Variants in PHACTR4 observed in about 807,000 individuals in gnomAD.
PHACTR4 encodes protein phosphatase 1, regulatory subunit 124.
A neutral mutation model predicts 72.7 loss-of-function variants in PHACTR4; 51 were observed. The ratio of observed to expected loss-of-function variants is 0.70; its 90% CI spans 0.56 to 0.89. The LOEUF is 0.89. Among genes scored for constraint, PHACTR4 ranks in the 40% least tolerant of loss-of-function variants. The probability of loss-of-function intolerance (pLI) is 0.00; values close to 1 mark genes in which losing one functional copy is unlikely to be tolerated. For missense variants in PHACTR4, 731 were observed against 861.8 expected, an observed-to-expected ratio of 0.85 and a Z score of 1.90; for synonymous variants, 255 against 302.5, an observed-to-expected ratio of 0.84 and a Z score of 1.63.
At chr1:28,485,281 A>G (rs1259589371) in intron 9 of PHACTR4, among the ~76,000 whole-genome samples, 3 of 152,144 alleles carry the variant, frequency 2.0e-5, no homozygotes, top group East Asian at 1.9e-4. Context: ...CCACTGTACA[A>G]CATTGTGTTT....
chr1:28,407,571 C>G, intron 2 of PHACTR4, 108 bp downstream of exon 2: 1 of 869,122 alleles, frequency 1.2e-6, no homozygotes, highest in Non-Finnish European at 1.8e-6. Flanking sequence ...GTATGCTACT[C>G]TCTAGAATAA....
At position 28,407,563 on chromosome 1, in the gene PHACTR4, A is replaced by T. The variant is rs1269095774; in HGVS notation, c.16+100A>T. 3 of 1,004,924 alleles carry T rather than the reference A, an allele frequency of 3.0e-6. No homozygotes were observed. In the Admixed American group the frequency reaches 6.1e-5, roughly 21 times the overall value. 62.3% of individuals were successfully genotyped at this position (1,004,924 alleles called of 1,614,324 possible). On this transcript the variant is annotated intron_variant, in intron 2 of 13. Transcript: ENST00000373839. The stretch of plus-strand genomic sequence containing the variant: ...AAATTGGTTTTTTTTCATATTCAGT[A>T]TGCTACTCTCTAGAATAATGGGTCT...
chr1:28,492,856 A>G, intron 12 of PHACTR4, among the ~76,000 whole-genome samples, 159 bp from the exon 13 acceptor site: 1 of 152,214 alleles, frequency 6.6e-6, no homozygotes, highest in African/African-American at 2.4e-5. Flanking sequence ...TAGGTTTATT[A>G]TGAGACAGAT....
intron 6 of PHACTR4, among the ~76,000 whole-genome samples, chr1:28,470,545 A>G (rs1406145731): frequency 6.6e-6 from 1 of 151,212 alleles, no homozygotes; most frequent in African/African-American, 2.4e-5. Flanking sequence ...CCCCCCCAAA[A>G]ATTAGCCGGG....
chr1:28,449,324 A>T (rs990012795), intron 2 of PHACTR4, among the ~76,000 whole-genome samples: 1 of 152,106 alleles, frequency 6.6e-6, no homozygotes, highest in South Asian at 2.1e-4. Flanking sequence ...AACATACCCC[A>T]TATCTAAAAA....
chr1:28,489,237 T>TA lies in PHACTR4; in HGVS notation c.1816+13dup, dbSNP rs1187635078. The TA allele has an allele frequency of 6.2e-7, 1 of 1,603,510 alleles. No homozygotes were observed. The highest frequency in any genetic ancestry group is 1.3e-5 in the African/African-American group (1 of 74,676). On this transcript the variant is annotated intron_variant, in intron 10 of 13. Coordinates refer to ENST00000373839, the MANE Select transcript of PHACTR4 (RefSeq NM_001048183.3). ...CAATATATTGCAACGTGAGTCCAGT[T>TA]ATGGAAATAAAGTTGTATAGATTTT... is the stretch of plus-strand genomic sequence containing the variant.
chr1:28,442,985 T>C (rs1016312796), intron 2 of PHACTR4, among the ~76,000 whole-genome samples: 11 of 152,144 alleles, frequency 7.2e-5, no homozygotes, highest in Non-Finnish European at 1.5e-4. Flanking sequence ...TTATTAACTA[T>C]AGTCATTCTG....
intron 2 of PHACTR4, among the ~76,000 whole-genome samples, chr1:28,427,642 C>T (rs1655957487): frequency 6.6e-6 from 1 of 152,200 alleles, no homozygotes; most frequent in South Asian, 2.1e-4. Context: ...CCCACTGAGG[C>T]CCTTCCGCTC....
chr1:28,483,798 CAAAAAAAAAAAA>C lies in PHACTR4; in HGVS notation c.1760+3204_1760+3215del, dbSNP rs991081654. On this transcript the variant is annotated intron_variant, in intron 9 of 13. Coordinates refer to ENST00000373839, the MANE Select transcript of PHACTR4 (RefSeq NM_001048183.3). ...TGGGTGACAGAGCAAGACTCCGTCT[CAAAAAAAAAAAA>C]AAAAAAAAAGAGAGAGATAAATCAG... is the stretch of plus-strand genomic sequence containing the variant. 6.3e-4 allele frequency among the ~76,000 whole-genome samples: 45 copies of C among 71,010 alleles called. 1 individual carries two copies. In the Admixed American group the frequency reaches 7.0e-3, roughly 11 times the overall value. 46.6% of individuals were successfully genotyped at this position (71,010 alleles called of 152,430 possible). A position where few individuals can be genotyped will look rare whatever the true frequency, so the allele number is the denominator to read the frequency against.
chr1:28,387,763 T>C (rs1399074955), intron 1 of PHACTR4, among the ~76,000 whole-genome samples: 1 of 152,038 alleles, frequency 6.6e-6, no homozygotes, highest in Non-Finnish European at 1.5e-5. Flanking sequence ...AGTCTTGTTC[T>C]GTCGCCCAGG....
At chr1:28,410,237 A>T (rs1654687541) in intron 2 of PHACTR4, among the ~76,000 whole-genome samples, 2 of 152,144 alleles carry the variant, frequency 1.3e-5, no homozygotes, top group Non-Finnish European at 2.9e-5. Context: ...AAGTGCTGGG[A>T]TTACAGGCGT....
chr1:28,396,849 T>C (rs12132493), intron 1 of PHACTR4, among the ~76,000 whole-genome samples: 42 of 70,644 alleles, frequency 5.9e-4, no homozygotes, highest in East Asian at 2.4e-3. Context: ...TTCTTTCTTT[T>C]TTTTTTTTTT....
intron 2 of PHACTR4, among the ~76,000 whole-genome samples, chr1:28,436,673 T>G (rs1297687085): frequency 1.3e-5 from 2 of 152,194 alleles, no homozygotes; most frequent in Non-Finnish European, 2.9e-5. Context: ...GTTAAGGTTG[T>G]GTTATGTGTG....
rs142989074 is a variant in PHACTR4, at chr1:28,444,968, T to G, written c.17-14117T>G. On this transcript the variant is annotated intron_variant, in intron 2 of 13. Transcript: ENST00000373839. ...TTTAACTATTTATTTATTTATTTTATTTTTTTGAGGCAGAGTCTTTCTCTG... is the reference window on the plus strand; with the variant it reads ...TTTAACTATTTATTTATTTATTTTAGTTTTTTGAGGCAGAGTCTTTCTCTG... Among the ~76,000 whole-genome samples, 109 of 150,640 alleles carry G rather than the reference T, an allele frequency of 7.2e-4. No individual in the cohort carries two copies. In the East Asian group the frequency reaches 0.013, roughly 17 times the overall value.
intron 2 of PHACTR4, among the ~76,000 whole-genome samples, chr1:28,432,415 C>G (rs1052635345): frequency 3.4e-5 from 5 of 146,536 alleles, no homozygotes; most frequent in Non-Finnish European, 7.5e-5. Flanking sequence ...TTTTCTCCCA[C>G]TAGGATCTCT....
chr1:28,424,596 C>T (rs1455371873), intron 2 of PHACTR4, among the ~76,000 whole-genome samples: 1 of 152,156 alleles, frequency 6.6e-6, no homozygotes. Context: ...TCAAGCGATT[C>T]TCCTGCCTCA....
Position 28,476,323 on chromosome 1 carries a change from A to G in PHACTR4, c.1606+32A>G, listed in dbSNP as rs777364777. 4 of 1,545,956 alleles carry G rather than the reference A, an allele frequency of 2.6e-6. No homozygotes were observed. The African/African-American group carries it at 4.2e-5, about 16-fold the overall frequency. ...AAGGGAGGGAAAAGCAAAACAGAGA[A>G]TTCTTTTCCAGATAAAACTATTTGC... On this transcript the variant is annotated intron_variant, in intron 8 of 13. Coordinates refer to ENST00000373839, the MANE Select transcript of PHACTR4 (RefSeq NM_001048183.3).
At position 28,473,564 on chromosome 1, in the gene PHACTR4, C is replaced by A. The variant is rs1295107423; in HGVS notation, c.834C>A (p.Ser278=). 2.5e-6 allele frequency: 4 copies of A among 1,607,136 alleles called. No homozygotes were observed. In the South Asian group the frequency reaches 4.4e-5, roughly 18 times the overall value. ...CTCTCTCTTTTCCAGCTGAACTGTCCCAAGCAATAAACAGTGGTACATTGT... is the reference window on the plus strand; with the variant it reads ...CTCTCTCTTTTCCAGCTGAACTGTCACAAGCAATAAACAGTGGTACATTGT... ...RNSNPVIAEL[S]QAINSGTLLS... Residue 278 remains serine, a synonymous_variant, in exon 7 of 14, where the codon TCC becomes TCA. Transcript: ENST00000373839.
At chr1:28,374,939 G>A (rs1042189333) in intron 1 of PHACTR4, among the ~76,000 whole-genome samples, 7 of 152,162 alleles carry the variant, frequency 4.6e-5, no homozygotes, top group African/African-American at 9.7e-5. Context: ...TTTCTAAGAG[G>A]GAGTAGAATA....
Sources: gnomAD v4.1 joint callset for allele counts (sites outside exome capture counted in the v4.1 genomes callset) on GRCh38, gnomAD v4.1.1 for gene constraint, MANE v1.5 for transcripts, NCBI Gene and HGNC (gene_info 2026-07-23, HGNC 2026-07-21) for gene names.